Variants in MAZ observed in about 807,000 individuals in gnomAD.
MAZ encodes the protein myc-associated zinc finger protein.
A neutral mutation model predicts 32.7 loss-of-function variants in MAZ; 4 were observed. The observed-to-expected ratio is 0.12, with a 90% CI of 0.06 to 0.28. The LOEUF is 0.28. Among genes scored for constraint, MAZ ranks in the 10% least tolerant of loss-of-function variants. MAZ has a pLI of 1.00. For missense variants in MAZ, 763 were observed against 667.2 expected (o/e 1.14, Z -1.58); for synonymous variants, 510 against 297.6 (o/e 1.71, Z -7.35).
chr16:29,806,136 C>G (rs1000009272), upstream of MAZ: 1 of 1,280,596 alleles, frequency 7.8e-7, no homozygotes, highest in Non-Finnish European at 1.0e-6. Context: ...CTCCCTCCCT[C>G]CCTCCGCCAT....
chr16:29,808,487 C>G, intron 3 of MAZ, 83 bp from the exon 4 acceptor site: 1 of 1,079,154 alleles, frequency 9.3e-7, no homozygotes, highest in Admixed American at 2.1e-5. Flanking sequence ...GCTCTGATTC[C>G]TTTAATCTCT....
In MAZ at chr16:29,810,295, C is replaced by A; in HGVS notation, c.*64C>A. 1.4e-6 allele frequency: 2 copies of A among 1,476,758 alleles called. No individual in the cohort carries two copies. Among genetic ancestry groups the A allele is most frequent in the South Asian group, 1.2e-5 (1 of 82,828 alleles). 91.5% of individuals were successfully genotyped at this position (1,476,758 alleles called of 1,614,324 possible). On this transcript the variant is annotated 3_prime_UTR_variant, in exon 5 of 5. Coordinates refer to ENST00000322945, the MANE Select transcript of MAZ (RefSeq NM_002383.4). ...AGAGTCCCTTGGTACAAGCTCCTCT[C>A]CCCCCTCTTTTCCCACCAACTCCTA...
Position 29,807,628 on chromosome 16 carries a change from C to T in MAZ, c.843C>T (p.Cys281=), listed in dbSNP as rs374714926. ...SGKRIRKNHA[C]EMCGKAFRDV... Reference sequence around the variant, plus strand: ...AGCGCATCCGGAAGAACCATGCCTGCGAGATGTGTGGCAAGGCCTTCCGCG... The same window carrying T: ...AGCGCATCCGGAAGAACCATGCCTGTGAGATGTGTGGCAAGGCCTTCCGCG... The change falls in exon 2 of 5, where the codon TGC becomes TGT. Residue 281 remains cysteine (C), a synonymous_variant. Coordinates refer to ENST00000322945, the MANE Select transcript of MAZ (RefSeq NM_002383.4). 2.9e-5 allele frequency: 47 copies of T among 1,612,568 alleles called. No individual in the cohort carries two copies. The Middle Eastern group carries it at 6.6e-4, about 23-fold the overall frequency.
At position 29,807,760 on chromosome 16, in the gene MAZ, C is replaced by T. The variant is rs193211527; in HGVS notation, c.975C>T (p.His325=). The change falls in exon 2 of 5, where the codon CAC becomes CAT. Residue 325 remains histidine, a synonymous_variant. Coordinates refer to ENST00000322945, the MANE Select transcript of MAZ (RefSeq NM_002383.4). ...RFKRKDRMSY[H]VRSHDGAVHK... ...AGCGCAAGGACCGCATGAGCTACCA[C>T]GTGCGCTCACATGACGGCGCTGTGC... 25 of 1,612,642 alleles carry T rather than the reference C, an allele frequency of 1.6e-5. No individual in the cohort carries two copies. The East Asian group carries it at 3.8e-4, about 24-fold the overall frequency.
chr16:29,809,918 GCT>G (rs1899818047), intron 4 of MAZ, 157 bp from the exon 5 acceptor site: 1 of 1,267,542 alleles, frequency 7.9e-7, no homozygotes, highest in African/African-American at 1.5e-5. Context: ...CTTGAGAACT[GCT>G]CTGTCTGGGT....
At position 29,807,557 on chromosome 16, in the gene MAZ, G is replaced by T; in HGVS notation, c.772G>T (p.Ala258Ser). The stretch of plus-strand genomic sequence containing the variant: ...AGAGGCGGGTGCCGGCGGCGGCGCT[G>T]CCGCAGTGGCCGCCGGTGGCGTGGT... ...GGEAGAGGGAAAVAAGGVVTT... is the reference protein window; with the variant it reads ...GGEAGAGGGASAVAAGGVVTT... Residue 258 changes from alanine to serine, a missense_variant, in exon 2 of 5, where the codon GCC (alanine) becomes TCC (serine). Coordinates refer to ENST00000322945, the MANE Select transcript of MAZ (RefSeq NM_002383.4). 6.2e-7 allele frequency: 1 copy of T among 1,604,330 alleles called. No individual in the cohort carries two copies.
In MAZ at chr16:29,806,878, C is replaced by T. The variant is rs753714134; in HGVS notation, c.177C>T (p.Ala59=). ...GCTTCTTTGCCTCCCAGGGCTGCGC[C>T]CAGAGTCCATTCCAGGTGAGTAGGG... ...QSRFFASQGC[A]QSPFQAAPAP... The change falls in exon 1 of 5, where the codon GCC becomes GCT. Residue 59 remains alanine, a synonymous_variant. Coordinates refer to ENST00000322945, the MANE Select transcript of MAZ (RefSeq NM_002383.4). The T allele has an allele frequency of 4.9e-6, 7 of 1,427,790 alleles. No individual in the cohort carries two copies. The highest frequency in any genetic ancestry group is 2.7e-5 in the South Asian group (2 of 75,338). 88.4% of individuals were successfully genotyped at this position (1,427,790 alleles called of 1,614,324 possible).
At position 29,810,632 on chromosome 16, in the gene MAZ, C is replaced by A. The variant is rs1041777380; in HGVS notation, c.*401C>A. ...GTCCTCTCCCCCTGCTGTCTGCAGC[C>A]CCTCCCCGGGGAGTTGGTGCTTTCT... On this transcript the variant is annotated 3_prime_UTR_variant, in exon 5 of 5. Transcript: ENST00000322945. 3.2e-6 allele frequency: 2 copies of A among 623,428 alleles called. No individual in the cohort carries two copies. Among genetic ancestry groups the A allele is most frequent in the Non-Finnish European group, 5.7e-6 (2 of 348,290 alleles). 38.6% of individuals were successfully genotyped at this position (623,428 alleles called of 1,614,324 possible).
intron 2 of MAZ, 27 bp from the exon 3 acceptor site, chr16:29,808,203 C>G (rs772085987): frequency 3.5e-5 from 57 of 1,610,166 alleles, no homozygotes; most frequent in Non-Finnish European, 4.3e-5. Flanking sequence ...CACCTCCGCC[C>G]TAACCCCAAC....
chr16:29,809,836 G>A, intron 4 of MAZ: 1 of 969,058 alleles, frequency 1.0e-6, no homozygotes, highest in Non-Finnish European at 1.5e-6. Context: ...GGGCCCAATA[G>A]GGGATCTCAG....
In MAZ at chr16:29,807,343, C is replaced by T. The variant is rs542044807; in HGVS notation, c.558C>T (p.Ser186=). Residue 186 remains serine (S), a synonymous_variant, in exon 2 of 5, where the codon AGC becomes AGT. Coordinates refer to ENST00000322945, the MANE Select transcript of MAZ (RefSeq NM_002383.4). ...VASALEKKTK[S]KGPYICALCA... ...CTGCCTTGGAGAAGAAGACAAAGAG[C>T]AAGGGGCCCTACATCTGCGCTCTGT... 54 of 1,611,654 alleles carry T rather than the reference C, an allele frequency of 3.4e-5. No homozygotes were observed. Among genetic ancestry groups the T allele is most frequent in the Middle Eastern group, 3.3e-4 (2 of 6,056 alleles).
At chr16:29,809,393 C>CAGAGCA in intron 4 of MAZ, 1 of 637,772 alleles carries the variant, frequency 1.6e-6, no homozygotes, top group Non-Finnish European at 2.8e-6. Context: ...CCAGCCCCAA[C>CAGAGCA]AGAGCAGTTG....
In MAZ at chr16:29,810,098, T is replaced by TGGCGGCGGCAGCGGCAGCGGCGGC. The variant is rs780528070; in HGVS notation, c.1302_1325dup (p.Ala441_Ala448dup). On this transcript the variant is annotated inframe_insertion, in exon 5 of 5. Transcript: ENST00000322945. ...GCAGGTACTGGTGAGGTTTGTCCAA[T>TGGCGGCGGCAGCGGCAGCGGCGGC]GGCGGCGGCAGCGGCAGCGGCGGCA... The TGGCGGCGGCAGCGGCAGCGGCGGC allele has an allele frequency of 6.2e-7, 1 of 1,607,634 alleles. No homozygotes were observed.
rs62056368 is a variant in MAZ at position 29,810,014 on chromosome 16, G to C, written c.1280-63G>C. The C allele has an allele frequency of 8.3e-6, 13 of 1,558,370 alleles. No individual in the cohort carries two copies. In the South Asian group the frequency reaches 1.6e-4, roughly 19 times the overall value. ...AGGGGAAGCAGGCTGGGAAGGTGTG[G>C]GGTGAGGGCAAGGCTCTTGCCATTC... On this transcript the variant is annotated intron_variant, in intron 4 of 4. Transcript: ENST00000322945.
Position 29,806,816 on chromosome 16 carries a change from C to G in MAZ, c.115C>G (p.Gln39Glu). The change falls in exon 1 of 5, where the codon CAG becomes GAG. Residue 39 changes from glutamine to glutamate, a missense_variant. Gln to Glu is a conservative substitution (Grantham distance 29). Coordinates refer to ENST00000322945, the MANE Select transcript of MAZ (RefSeq NM_002383.4). ...NSFPPPQGHA[Q>E]NPLQVGAELQ... ...CTTCCCGCCACCTCAGGGTCACGCC[C>G]AGAACCCCCTGCAGGTCGGGGCTGA... is the stretch of plus-strand genomic sequence containing the variant. 1 of 1,443,770 alleles carries G rather than the reference C, an allele frequency of 6.9e-7. No homozygotes were observed. Among genetic ancestry groups the G allele is most frequent in the Non-Finnish European group, 9.2e-7 (1 of 1,091,564 alleles). The allele number at this position is 1,443,770 out of a possible 1,614,324, so 89.4% of individuals were successfully genotyped here. A position where few individuals can be genotyped will look rare whatever the true frequency, so the allele number is the denominator to read the frequency against.
chr16:29,806,206 AC>A (rs1434105215), upstream of MAZ: 76 of 108,288 alleles, frequency 7.0e-4, no homozygotes, highest in African/African-American at 0.013. Context: ...CCCCGCCCCC[AC>A]CCCCCTGCCC....
chr16:29,808,732 T>A lies in MAZ; in HGVS notation c.1270T>A (p.Cys424Ser). ...SQGPHHVCEL[C>S]NKGTGEVCPM... ...GGGTCCTCACCATGTCTGTGAGCTC[T>A]GCAACAAAGGTACATGCCGAGGGCT... The change falls in exon 4 of 5, where the codon TGC becomes AGC. Residue 424 changes from cysteine to serine, a missense_variant. By Grantham distance (112) the Cys-to-Ser change is moderately radical (BLOSUM62 -1). Coordinates refer to ENST00000322945, the MANE Select transcript of MAZ (RefSeq NM_002383.4). 6.2e-7 allele frequency: 1 copy of A among 1,613,740 alleles called. No individual in the cohort carries two copies. The highest frequency in any genetic ancestry group is 8.5e-7 in the Non-Finnish European group (1 of 1,179,934).
chr16:29,809,653 GC>G, intron 4 of MAZ: 1 of 1,588,536 alleles, frequency 6.3e-7, no homozygotes, highest in Admixed American at 1.7e-5. Context: ...CAAGACCCCT[GC>G]CCAGCTGGCC....
In MAZ at chr16:29,808,611, G is replaced by C; in HGVS notation, c.1149G>C (p.Ala383=). The change falls in exon 4 of 5, where the codon GCG becomes GCC. Residue 383 remains alanine, a synonymous_variant. Coordinates refer to ENST00000322945, the MANE Select transcript of MAZ (RefSeq NM_002383.4). ...TCGCCACGAAGGATCGGCTGCGGGC[G>C]CACACAGTACGACACGAGGAGAAAG... The part of the protein sequence containing the change: ...AAFATKDRLR[A]HTVRHEEKVP... The C allele has an allele frequency of 6.2e-7, 1 of 1,613,162 alleles. No individual in the cohort carries two copies. The highest frequency in any genetic ancestry group is 8.5e-7 in the Non-Finnish European group (1 of 1,179,830).
Sources: allele counts gnomAD v4.1 joint callset, GRCh38; gene constraint gnomAD v4.1.1; transcripts MANE v1.5; gene names NCBI Gene and HGNC (gene_info 2026-07-23, HGNC 2026-07-21).